The following CNNM2 variants were observed in gnomAD, a reference collection of about 807,000 sequenced individuals.
CNNM2 encodes cyclin and CBS domain divalent metal cation transport mediator 2.
CNNM2 carries 12 observed loss-of-function variants against 66.9 expected under a neutral mutation model. The observed-to-expected ratio is 0.18, with a 90% confidence interval of 0.11 to 0.29. The LOEUF (loss-of-function observed/expected upper bound fraction) is 0.29, where lower values mean the gene tolerates loss of function less well. Among genes scored for constraint, CNNM2 ranks in the 10% least tolerant of loss-of-function variants. The pLI, the probability that CNNM2 is intolerant of heterozygous loss-of-function variation, is 1.00. For synonymous variants in CNNM2, 557 were observed against 501.8 expected, an observed-to-expected ratio of 1.11 and a Z score of -1.47; for missense variants, 705 against 1,167.7, an observed-to-expected ratio of 0.60 and a Z score of 5.77.
chr10:102,966,139 C>T (rs1842378830), intron 1 of CNNM2, among the ~76,000 whole-genome samples: 1 of 152,150 alleles, frequency 6.6e-6, no homozygotes, highest in Admixed American at 6.5e-5. Flanking sequence ...TTGTGCTCAG[C>T]ATTGAACGTG....
intron 1 of CNNM2, among the ~76,000 whole-genome samples, chr10:103,040,779 C>T (rs1215109533): frequency 9.2e-5 from 14 of 152,200 alleles, no homozygotes; most frequent in Middle Eastern, 3.4e-3. Flanking sequence ...TCATCCCTGC[C>T]CAGATGTCTC....
In CNNM2 at chr10:103,087,172, T is replaced by TTTTTTTTGG. The variant is rs1261111286; in HGVS notation, c.*9992_*9993insTTTTTTTGG. 9.3e-6 allele frequency: 1 copy of TTTTTTTTGG among 108,092 alleles called. No individual in the cohort carries two copies. The highest frequency in any genetic ancestry group is 1.9e-5 in the Non-Finnish European group (1 of 51,800). 6.7% of individuals were successfully genotyped at this position (108,092 alleles called of 1,614,324 possible). On this transcript the variant is annotated 3_prime_UTR_variant, in exon 8 of 8. Coordinates refer to ENST00000369878, the MANE Select transcript of CNNM2 (RefSeq NM_017649.5). Reference sequence around the variant, plus strand: ...TTTTTTTTTTTTTTTTTTTTTTTTTTAAGGAAAAAAGTATACCTTTTAAGT... The same window carrying TTTTTTTTGG: ...TTTTTTTTTTTTTTTTTTTTTTTTTTTTTTTTTGGAAGGAAAAAAGTATACCTTTTAAGT...
At chr10:103,076,348 T>A in intron 7 of CNNM2, 78 bp downstream of exon 7, 1 of 1,409,600 alleles carries the variant, frequency 7.1e-7, no homozygotes, top group Non-Finnish European at 9.7e-7. Context: ...GTTTTGCTCC[T>A]TGCCCTCCTC....
At chr10:102,971,227 T>G (rs1590329999) in intron 1 of CNNM2, among the ~76,000 whole-genome samples, 4 of 131,730 alleles carry the variant, frequency 3.0e-5, no homozygotes, top group Admixed American at 8.2e-5. Context: ...AACACTATGG[T>G]GACTTAGAGA....
rs75845313 is a variant in CNNM2 at position 102,979,573 on chromosome 10, G to T, written c.1621+59472G>T. On this transcript the variant is annotated intron_variant, in intron 1 of 7. Coordinates refer to ENST00000369878, the MANE Select transcript of CNNM2 (RefSeq NM_017649.5). ...TACTGAGCATGTCTATGTTTAATAT[G>T]TGTAACATTTGTCTCCCCGCCACCC... 1.3e-3 allele frequency among the ~76,000 whole-genome samples: 196 copies of T among 152,148 alleles called. 2 individuals carry two copies. The East Asian group carries it at 0.036, about 28-fold the overall frequency.
chr10:103,017,957 C>T (rs2064486972), intron 1 of CNNM2, among the ~76,000 whole-genome samples: 1 of 67,412 alleles, frequency 1.5e-5, no homozygotes, highest in South Asian at 3.7e-4. Context: ...GAGCAAGAAT[C>T]TGTCTCAAAA....
At chr10:103,070,942 C>T (rs796817885) in intron 5 of CNNM2, among the ~76,000 whole-genome samples, 25 of 151,388 alleles carry the variant, frequency 1.7e-4, no homozygotes, top group African/African-American at 9.7e-5. Flanking sequence ...ACTAAAAAAG[C>T]GGGGGGGGAA....
At chr10:103,029,221 T>C (rs906273037) in intron 1 of CNNM2, among the ~76,000 whole-genome samples, 5 of 151,120 alleles carry the variant, frequency 3.3e-5, no homozygotes, top group Non-Finnish European at 7.4e-5. Context: ...CCCAGTACTT[T>C]AGGATGCTGA....
intron 1 of CNNM2, among the ~76,000 whole-genome samples, chr10:102,939,263 G>C (rs1160690342): frequency 6.6e-6 from 1 of 152,204 alleles, no homozygotes; most frequent in Non-Finnish European, 1.5e-5. Context: ...TTCTGGCAGA[G>C]TTCTATGTCT....
intron 1 of CNNM2, among the ~76,000 whole-genome samples, chr10:102,962,434 A>G (rs1317716417): frequency 2.0e-5 from 3 of 152,174 alleles, no homozygotes; most frequent in Admixed American, 1.3e-4. Flanking sequence ...TTTCTGGTAA[A>G]TGCTTTTGTT....
At chr10:102,922,730 C>T (rs1845696110) in intron 1 of CNNM2, among the ~76,000 whole-genome samples, 1 of 151,968 alleles carries the variant, frequency 6.6e-6, no homozygotes, top group Admixed American at 6.6e-5. Flanking sequence ...GGCTTGAGCC[C>T]AAGAGTTTGA....
At chr10:102,992,672 C>T (rs948289562) in intron 1 of CNNM2, among the ~76,000 whole-genome samples, 1 of 152,114 alleles carries the variant, frequency 6.6e-6, no homozygotes, top group African/African-American at 2.4e-5. Context: ...AGTCTACCTA[C>T]TTGTGAATGG....
At chr10:102,980,835 CT>C (rs2063708275) in intron 1 of CNNM2, among the ~76,000 whole-genome samples, 1 of 152,048 alleles carries the variant, frequency 6.6e-6, no homozygotes, top group African/African-American at 2.4e-5. Flanking sequence ...CGATCACATG[CT>C]TTTTTTTCTT....
chr10:102,936,087 T>A (rs183681690), intron 1 of CNNM2, among the ~76,000 whole-genome samples: 1 of 151,894 alleles, frequency 6.6e-6, no homozygotes, highest in African/African-American at 2.4e-5. Context: ...AAAGACAGAT[T>A]GAGGGCATCA....
intron 1 of CNNM2, among the ~76,000 whole-genome samples, chr10:102,940,007 A>ACAAAG (rs1846372327): frequency 6.6e-6 from 1 of 152,026 alleles, no homozygotes; most frequent in African/African-American, 2.4e-5. Flanking sequence ...CAACAAAAAA[A>ACAAAG]AAACCGCCAT....
chr10:102,970,703 C>T (rs61870834), intron 1 of CNNM2, among the ~76,000 whole-genome samples: 1 of 152,168 alleles, frequency 6.6e-6, no homozygotes, highest in South Asian at 2.1e-4. Context: ...GAATTTTGAC[C>T]TGCTCTGTTT....
At chr10:102,927,240 G>T in intron 1 of CNNM2, 1 of 1,437,810 alleles carries the variant, frequency 7.0e-7, no homozygotes, top group South Asian at 1.2e-5. Context: ...AGATTTGCTT[G>T]ACATATAAAG....
At chr10:103,039,153 CT>C (rs934078192) in intron 1 of CNNM2, among the ~76,000 whole-genome samples, 2 of 150,374 alleles carry the variant, frequency 1.3e-5, no homozygotes, top group African/African-American at 2.4e-5. Context: ...ATTTTTTTTG[CT>C]TTTTTTTTGA....
In CNNM2 at chr10:103,077,206, C is replaced by T; in HGVS notation, c.*26C>T. 3.1e-6 allele frequency: 5 copies of T among 1,601,584 alleles called. No homozygotes were observed. Among genetic ancestry groups the T allele is most frequent in the Non-Finnish European group, 4.3e-6 (5 of 1,173,760 alleles). On this transcript the variant is annotated 3_prime_UTR_variant, in exon 8 of 8. Transcript: ENST00000369878. ...GCCGCGCTGGCTGCACCCGCCCAGGCCCGCACCCGCCCAGTCCCGAGGGCC... is the reference window on the plus strand; with the variant it reads ...GCCGCGCTGGCTGCACCCGCCCAGGTCCGCACCCGCCCAGTCCCGAGGGCC...
Sources: gnomAD v4.1 joint callset for allele counts (sites outside exome capture counted in the v4.1 genomes callset) on GRCh38, gnomAD v4.1.1 for gene constraint, MANE v1.5 for transcripts, NCBI Gene and HGNC (gene_info 2026-07-23, HGNC 2026-07-21) for gene names.